Variants in SMCO2 observed in about 807,000 individuals in gnomAD.
SMCO2 encodes single-pass membrane and coiled-coil domain-containing protein 2.
SMCO2 carries 25 observed loss-of-function variants against 29.5 expected under a neutral mutation model. That is an observed-to-expected ratio of 0.85 (90% CI 0.62 to 1.18). The LOEUF (loss-of-function observed/expected upper bound fraction) is 1.18. Ranked by LOEUF, SMCO2 falls within the 50% of genes most tolerant of loss-of-function variation. The pLI is 0.00. For missense variants in SMCO2, 348 were observed against 344.5 expected (o/e 1.01, Z -0.08); for synonymous variants, 117 against 123.3 (o/e 0.95, Z 0.34).
intron 5 of SMCO2, among the ~76,000 whole-genome samples, chr12:27,490,227 A>G (rs751820592): frequency 1.3e-5 from 2 of 152,242 alleles, no homozygotes; most frequent in Admixed American, 6.5e-5. Context: ...AATCACATGC[A>G]TTACAGTAAG....
In SMCO2 at chr12:27,479,753, C is replaced by T. The variant is rs115767633; in HGVS notation, c.362+4840C>T. Among the ~76,000 whole-genome samples, 282 of 152,332 alleles carry T rather than the reference C, an allele frequency of 1.9e-3. 1 individual carries two copies. The highest frequency in any genetic ancestry group is 6.3e-3 in the African/African-American group (261 of 41,580). On this transcript the variant is annotated intron_variant, in intron 4 of 7. Transcript: ENST00000298876. ...AAGGGAGTTCCCCTACACAAGCCCT[C>T]TCTTGCCTGCCACCATGTAAGACAT...
intron 1 of SMCO2, among the ~76,000 whole-genome samples, chr12:27,468,261 G>GAT (rs906047797): frequency 6.6e-6 from 1 of 152,206 alleles, no homozygotes; most frequent in African/African-American, 2.4e-5. Context: ...AGAAGAAGGT[G>GAT]ATAGTCTAGA....
chr12:27,476,488 G>A (rs779121297), intron 4 of SMCO2, among the ~76,000 whole-genome samples: 1 of 152,098 alleles, frequency 6.6e-6, no homozygotes, highest in Non-Finnish European at 1.5e-5. Context: ...TTGTATTGAA[G>A]TCTGTCTCTC....
chr12:27,454,914 T>TC, the SMCO2 span, among the ~76,000 whole-genome samples: 1 of 151,802 alleles, frequency 6.6e-6, no homozygotes, highest in Non-Finnish European at 1.5e-5. Flanking sequence ...CTCATCCTTT[T>TC]TTATGGCTGC....
upstream of SMCO2, among the ~76,000 whole-genome samples, chr12:27,465,493 G>T (rs1949491737): frequency 6.6e-6 from 1 of 152,180 alleles, no homozygotes; most frequent in Admixed American, 6.5e-5. Context: ...TTCCTAACTA[G>T]GTAGGGCATG....
the SMCO2 span, among the ~76,000 whole-genome samples, chr12:27,429,162 G>C: frequency 6.6e-6 from 1 of 152,192 alleles, no homozygotes; most frequent in South Asian, 2.1e-4. Flanking sequence ...TTTCTTTGTA[G>C]TAACGTATTA....
chr12:27,487,753 C>CTT (rs143131425), intron 4 of SMCO2, among the ~76,000 whole-genome samples: 3,953 of 129,432 alleles, frequency 0.031, 204 homozygotes, highest in African/African-American at 0.1. Context: ...TCTTTTCTTT[C>CTT]TTTTTTTTTT....
chr12:27,500,658 A>G (rs1344175205), intron 7 of SMCO2, among the ~76,000 whole-genome samples: 57 of 150,672 alleles, frequency 3.8e-4, no homozygotes, highest in Admixed American at 3.7e-3. Context: ...TTTTCTTTTC[A>G]TAAGAAAGAA....
At chr12:27,459,905 T>C in the SMCO2 span, among the ~76,000 whole-genome samples, 9 of 152,190 alleles carry the variant, frequency 5.9e-5, no homozygotes, top group Non-Finnish European at 1.3e-4. Context: ...CAGGAAAATG[T>C]GTTTTTTTTC....
intron 4 of SMCO2, among the ~76,000 whole-genome samples, chr12:27,483,419 T>C (rs1949662016): frequency 6.6e-6 from 1 of 152,132 alleles, no homozygotes; most frequent in Admixed American, 6.5e-5. Flanking sequence ...TATCCTTCTC[T>C]TTGTTTTTTT....
At chr12:27,495,734 G>A in exon 7 of SMCO2, 1 of 1,536,072 alleles carries the variant, frequency 6.5e-7, no homozygotes, top group African/African-American at 1.4e-5. Context: ...GTATCAAATG[G>A]AGGCAGAGGA....
the SMCO2 span, among the ~76,000 whole-genome samples, chr12:27,435,286 C>A: frequency 4.4e-4 from 6 of 13,622 alleles, 2 homozygotes; most frequent in African/African-American, 9.3e-4. Flanking sequence ...AGCAGAACCC[C>A]CCCCCCCCCC....
exon 7 of SMCO2, chr12:27,495,701 C>T: frequency 6.7e-7 from 1 of 1,485,522 alleles, no homozygotes; most frequent in Non-Finnish European, 9.1e-7. Context: ...GAATGTGGAA[C>T]TGCTGAGTGC....
chr12:27,502,019 A>G, exon 8 of SMCO2: 1 of 1,548,284 alleles, frequency 6.5e-7, no homozygotes, highest in South Asian at 1.2e-5. Context: ...TTCTCTTTGA[A>G]AGGGTGCTTC....
intron 4 of SMCO2, 69 bp downstream of exon 5, chr12:27,475,800 C>T: frequency 1.5e-6 from 2 of 1,352,916 alleles, no homozygotes; most frequent in South Asian, 1.9e-5. Context: ...ATTTAAGAAA[C>T]TTTGGGCTTA....
chr12:27,488,522 AC>A lies in SMCO2; in HGVS notation c.427del (p.Asp144IlefsTer8). 6.5e-7 allele frequency: 1 copy of A among 1,540,336 alleles called. No individual in the cohort carries two copies. Among genetic ancestry groups the A allele is most frequent in the Non-Finnish European group, 8.8e-7 (1 of 1,142,014 alleles). ...GAAAAGCTGGAGGACCGGGGCCTTG[AC>A]CTTGATCAAGGGACAAGCACTGAGG... On this transcript the variant is annotated frameshift_variant, in exon 5 of 8. Transcript: ENST00000298876. LOFTEE classifies it high-confidence loss of function.
chr12:27,486,152 T>C (rs979919850), intron 4 of SMCO2, among the ~76,000 whole-genome samples: 2 of 152,228 alleles, frequency 1.3e-5, no homozygotes, highest in African/African-American at 4.8e-5. Context: ...TTTCAAGTAG[T>C]TTTATCACAC....
the SMCO2 span, among the ~76,000 whole-genome samples, chr12:27,428,558 C>CTT: frequency 2.8e-5 from 4 of 143,268 alleles, no homozygotes; most frequent in Non-Finnish European, 3.0e-5. Flanking sequence ...TCTTGGCCAC[C>CTT]TTTTTTTTTT....
the SMCO2 span, chr12:27,446,467 A>G: frequency 1.3e-5 from 2 of 152,196 alleles, no homozygotes; most frequent in Non-Finnish European, 2.9e-5. Flanking sequence ...TGGAGGGAAA[A>G]ACAATTCAGT....
Sources: allele counts gnomAD v4.1 joint callset (sites outside exome capture counted in the v4.1 genomes callset), GRCh38; gene constraint gnomAD v4.1.1; transcripts MANE v1.5; gene names NCBI Gene and HGNC (gene_info 2026-07-23, HGNC 2026-07-21).